Variants in HNRNPA3 observed in about 807,000 individuals in gnomAD.
HNRNPA3 encodes epididymis secretory sperm binding protein.
HNRNPA3 carries 3 observed loss-of-function variants against 45.8 expected under a neutral mutation model. The observed-to-expected ratio is 0.07, with a 90% CI of 0.03 to 0.17. The LOEUF (loss-of-function observed/expected upper bound fraction) is 0.17, where lower values mean the gene tolerates loss of function less well. Among genes scored for constraint, HNRNPA3 ranks in the 10% least tolerant of loss-of-function variants. The probability of loss-of-function intolerance (pLI) is 1.00; values close to 1 mark genes in which losing one functional copy is unlikely to be tolerated. For synonymous variants in HNRNPA3, 170 were observed against 155.6 expected (o/e 1.09, Z -0.69); for missense variants, 183 against 480.3 (o/e 0.38, Z 5.79).
exon 1 of HNRNPA3, chr2:177,212,814 G>A (rs1365945058): frequency 6.4e-7 from 1 of 1,564,468 alleles, no homozygotes; most frequent in Non-Finnish European, 8.6e-7. Context: ...AGGTAAAACC[G>A]CCGCCCGGTC....
At chr2:177,220,786 G>GCCC (rs1689158386), downstream of HNRNPA3, 1 of 152,516 alleles carries the variant, frequency 6.6e-6, no homozygotes, top group African/African-American at 2.4e-5. Flanking sequence ...TGTTTGGAAG[G>GCCC]CCCTGGTTGA....
At chr2:177,217,476 A>G (rs1688993215) in intron 7 of HNRNPA3, among the ~76,000 whole-genome samples, 1 of 152,198 alleles carries the variant, frequency 6.6e-6, no homozygotes, top group South Asian at 2.1e-4. Context: ...ATCTAGAAAA[A>G]TAAAATAGGG....
chr2:177,214,533 C>T (rs1413430235), intron 1 of HNRNPA3, among the ~76,000 whole-genome samples: 2 of 152,148 alleles, frequency 1.3e-5, no homozygotes, highest in Non-Finnish European at 2.9e-5. Flanking sequence ...CTGTGGCTCA[C>T]GCCTGTAATT....
downstream of HNRNPA3, chr2:177,220,334 C>G (rs1306018725): frequency 6.5e-6 from 1 of 152,880 alleles, no homozygotes; most frequent in African/African-American, 2.4e-5. Flanking sequence ...TGTTTTCCCT[C>G]TCCTACGTTA....
chr2:177,218,328 C>T (rs1298294139), intron 8 of HNRNPA3, among the ~76,000 whole-genome samples: 2 of 152,122 alleles, frequency 1.3e-5, no homozygotes, highest in African/African-American at 4.8e-5. Context: ...TCCCAAAGTA[C>T]TGGGATTACA....
chr2:177,217,628 TACACAC>T, intron 7 of HNRNPA3, 71 bp from the exon 8 acceptor site: 2 of 1,570,184 alleles, frequency 1.3e-6, no homozygotes, highest in Non-Finnish European at 1.8e-6. Flanking sequence ...CCCAGTCTCT[TACACAC>T]ACACCAGAAT....
At chr2:177,223,919 CTT>C (rs1689299885), downstream of HNRNPA3, 1 of 152,160 alleles carries the variant, frequency 6.6e-6, no homozygotes, top group African/African-American at 2.4e-5. Context: ...AATATTTTGA[CTT>C]ATTTTACCAG....
intron 7 of HNRNPA3, 44 bp downstream of exon 7, chr2:177,216,984 T>C: frequency 7.0e-7 from 1 of 1,426,750 alleles, no homozygotes; most frequent in Non-Finnish European, 9.4e-7. Context: ...TTAACTTTCT[T>C]TACTTATTGA....
chr2:177,213,105 G>A (rs1331420643), intron 1 of HNRNPA3, among the ~76,000 whole-genome samples: 2 of 152,164 alleles, frequency 1.3e-5, no homozygotes, highest in African/African-American at 4.8e-5. Context: ...GGTCGGGGAG[G>A]CCTCGGGAGG....
chr2:177,221,046 T>C (rs1354074382), downstream of HNRNPA3: 1 of 152,674 alleles, frequency 6.5e-6, no homozygotes, highest in Non-Finnish European at 1.5e-5. Flanking sequence ...TCTGTGCCTC[T>C]GTGCATTAAT....
At chr2:177,214,726 C>G (rs1031578243) in intron 1 of HNRNPA3, among the ~76,000 whole-genome samples, 1 of 152,162 alleles carries the variant, frequency 6.6e-6, no homozygotes, top group Non-Finnish European at 1.5e-5. Context: ...ACCCGGGAGG[C>G]GGAGGTTGCA....
intron 4 of HNRNPA3, 101 bp from the exon 5 acceptor site, chr2:177,216,402 T>G (rs1386069015): frequency 4.7e-6 from 4 of 845,018 alleles, no homozygotes; most frequent in Non-Finnish European, 7.5e-6. Context: ...CACTACCTGA[T>G]TATGTCTTAA....
At chr2:177,214,485 TTCA>T (rs1316986287) in intron 1 of HNRNPA3, among the ~76,000 whole-genome samples, 1 of 152,214 alleles carries the variant, frequency 6.6e-6, no homozygotes, top group African/African-American at 2.4e-5. Flanking sequence ...TAGATTGTTC[TTCA>T]TCACAGTTTT....
chr2:177,212,886 G>A lies in HNRNPA3; in HGVS notation c.72+15G>A. 6.9e-7 allele frequency: 1 copy of A among 1,445,986 alleles called. No homozygotes were observed. The highest frequency in any genetic ancestry group is 9.3e-7 in the Non-Finnish European group (1 of 1,075,868). The allele number at this position is 1,445,986 out of a possible 1,614,324, so 89.6% of individuals were successfully genotyped here. A position where few individuals can be genotyped will look rare whatever the true frequency, so the allele number is the denominator to read the frequency against. On this transcript the variant is annotated intron_variant, in intron 1 of 10. Transcript: ENST00000392524. ...GGGGGGAGGAGGTATTAGGGGGAGAGCGGGGGGTTGGTGGGGAATGGCCGG... is the reference window on the plus strand; with the variant it reads ...GGGGGGAGGAGGTATTAGGGGGAGAACGGGGGGTTGGTGGGGAATGGCCGG...
intron 1 of HNRNPA3, among the ~76,000 whole-genome samples, chr2:177,213,346 G>T (rs964633518): frequency 6.6e-6 from 1 of 152,252 alleles, no homozygotes; most frequent in African/African-American, 2.4e-5. Context: ...GGGAAAGCGA[G>T]CCTGGGATTG....
intron 8 of HNRNPA3, among the ~76,000 whole-genome samples, chr2:177,218,383 G>A (rs1399246275): frequency 1.3e-5 from 2 of 152,092 alleles, no homozygotes; most frequent in African/African-American, 4.8e-5. Context: ...ATTTTTAGTT[G>A]AGTAGTAAAA....
intron 7 of HNRNPA3, 55 bp downstream of exon 7, chr2:177,216,995 A>G (rs1688970572): frequency 1.4e-6 from 2 of 1,396,334 alleles, no homozygotes. Flanking sequence ...TACTTATTGA[A>G]AATTATTTAT....
Position 177,217,682 on chromosome 2 carries a change from CTTG to C in HNRNPA3, c.821-20_821-18del. 16 of 1,611,876 alleles carry C rather than the reference CTTG, an allele frequency of 9.9e-6. No homozygotes were observed. The highest frequency in any genetic ancestry group is 1.4e-5 in the Non-Finnish European group (16 of 1,179,708). On this transcript the variant is annotated intron_variant, in intron 7 of 10. Transcript: ENST00000392524. ...CTATACACTTAAGTTTTTGTGTGGT[CTTG>C]TTATTTGTTGTTTTTTTAGGTGGCA...
downstream of HNRNPA3, chr2:177,223,715 CAAAATTACTTTA>C (rs1422629028): frequency 2.0e-5 from 3 of 152,114 alleles, no homozygotes; most frequent in Admixed American, 2.0e-4. Context: ...TCTAAATATT[CAAAATTACTTTA>C]AAACTTAAGT....
Sources: allele counts gnomAD v4.1 joint callset (sites outside exome capture counted in the v4.1 genomes callset), GRCh38; gene constraint gnomAD v4.1.1; transcripts MANE v1.5; gene names NCBI Gene and HGNC (gene_info 2026-07-23, HGNC 2026-07-21).